CCDC73: variants seen among roughly 807,000 people sequenced by gnomAD.
CCDC73 encodes coiled-coil domain-containing protein 73.
Under a neutral mutation model 116.5 loss-of-function variants are expected in CCDC73, and 95 were observed. That is an observed-to-expected ratio of 0.82 (90% CI 0.69 to 0.97). CCDC73 has a LOEUF of 0.97. Among genes scored for constraint, CCDC73 ranks in the 50% least tolerant of loss-of-function variants. The pLI is 0.00. For synonymous variants in CCDC73, 398 were observed against 401.3 expected (o/e 0.99, Z 0.10); for missense variants, 1,066 against 1,206.8 (o/e 0.88, Z 1.73).
At chr11:32,772,775 A>G (rs186752141) in intron 1 of CCDC73, among the ~76,000 whole-genome samples, 28 of 152,374 alleles carry the variant, frequency 1.8e-4, no homozygotes, top group Admixed American at 7.8e-4. Context: ...AAATAGAATG[A>G]CACACTATAA....
At position 32,714,911 on chromosome 11, in the gene CCDC73, T is replaced by C. The variant is rs763166964; in HGVS notation, c.207+3165A>G. Among the ~76,000 whole-genome samples the C allele has an allele frequency of 8.2e-4, 125 of 152,164 alleles. 1 individual carries two copies. The highest frequency in any genetic ancestry group is 9.2e-4 in the Admixed American group (14 of 15,274). ...GTGTCCATAACATTTTATAGGAACA[T>C]AGACACACTGATTCATGTAAGTACT... On this transcript the variant is annotated intron_variant, in intron 3 of 17. Coordinates refer to ENST00000335185, the MANE Select transcript of CCDC73 (RefSeq NM_001008391.4).
chr11:32,682,704 A>G (rs1856158789), intron 7 of CCDC73: 1 of 151,970 alleles, frequency 6.6e-6, no homozygotes, highest in African/African-American at 2.4e-5. Context: ...CCAAAAACAC[A>G]GAAAAAAAAA....
At chr11:32,612,574 C>CA in intron 16 of CCDC73, among the ~76,000 whole-genome samples, 1 of 151,530 alleles carries the variant, frequency 6.6e-6, no homozygotes, top group Non-Finnish European at 1.5e-5. Flanking sequence ...CCTGTCTCTA[C>CA]AAAAAATTTT....
Position 32,763,245 on chromosome 11 carries a change from A to G in CCDC73, c.-15-2987T>C, listed in dbSNP as rs1850408352. Among the ~76,000 whole-genome samples the G allele has an allele frequency of 2.0e-5, 3 of 152,302 alleles. No individual in the cohort carries two copies. In the South Asian group the frequency reaches 6.2e-4, roughly 32 times the overall value. On this transcript the variant is annotated intron_variant, in intron 1 of 17. Coordinates refer to ENST00000335185, the MANE Select transcript of CCDC73 (RefSeq NM_001008391.4). ...GTTCCTGTCTGACAGCTTTGAAGAG[A>G]GTAGTGGTTCTCCTAGCACAGAGTT...
the CCDC73 span, among the ~76,000 whole-genome samples, chr11:32,801,063 C>A: frequency 2.0e-5 from 3 of 152,136 alleles, no homozygotes; most frequent in African/African-American, 4.8e-5. Flanking sequence ...CTCATATAGG[C>A]AGCGAGATTG....
chr11:32,758,478 A>C (rs1019015669), intron 2 of CCDC73: 16 of 459,290 alleles, frequency 3.5e-5, no homozygotes, highest in Admixed American at 3.4e-4. Context: ...ATCTTGAAAA[A>C]ATGTGTCAGC....
chr11:32,808,152 T>G, the CCDC73 span, among the ~76,000 whole-genome samples: 23 of 149,676 alleles, frequency 1.5e-4, no homozygotes, highest in African/African-American at 5.4e-4. Flanking sequence ...TTAACCAAAT[T>G]AAAGAAAGGA....
intron 9 of CCDC73, among the ~76,000 whole-genome samples, chr11:32,668,080 A>G (rs1005462358): frequency 2.6e-5 from 4 of 152,194 alleles, no homozygotes; most frequent in Admixed American, 2.6e-4. Flanking sequence ...GCATGTAATA[A>G]TCCATGCAAC....
At chr11:32,664,040 A>G (rs1285516759) in intron 9 of CCDC73, among the ~76,000 whole-genome samples, 2 of 152,168 alleles carry the variant, frequency 1.3e-5, no homozygotes, top group African/African-American at 4.8e-5. Context: ...CCAGTTGATC[A>G]TGGTGGATAA....
the CCDC73 span, among the ~76,000 whole-genome samples, chr11:32,800,508 G>A: frequency 6.6e-6 from 1 of 152,014 alleles, no homozygotes; most frequent in East Asian, 1.9e-4. Context: ...AATAGAATAG[G>A]TTTTCTTTTG....
At chr11:32,667,511 A>G (rs1479850963) in intron 9 of CCDC73, among the ~76,000 whole-genome samples, 1 of 152,310 alleles carries the variant, frequency 6.6e-6, no homozygotes, top group Non-Finnish European at 1.5e-5. Context: ...GACCATTGGA[A>G]AAGCGCAGTA....
At chr11:32,618,904 G>C (rs1855498039) in intron 14 of CCDC73, among the ~76,000 whole-genome samples, 1 of 152,050 alleles carries the variant, frequency 6.6e-6, no homozygotes, top group Non-Finnish European at 1.5e-5. Flanking sequence ...TCTCTTTGTG[G>C]TGTTGATTTG....
intron 2 of CCDC73, among the ~76,000 whole-genome samples, chr11:32,744,276 T>C (rs1850214944): frequency 6.6e-6 from 1 of 152,230 alleles, no homozygotes; most frequent in Non-Finnish European, 1.5e-5. Context: ...TCATGGTAGA[T>C]AAGCTTTTTG....
At chr11:32,676,961 C>A (rs1352176) in intron 7 of CCDC73, among the ~76,000 whole-genome samples, 41,242 of 152,070 alleles carry the variant, frequency 0.27, 6,476 homozygotes, top group East Asian at 0.79. Flanking sequence ...ACCATACCTG[C>A]GATATGACTT....
chr11:32,782,568 G>C (rs1010036830), intron 1 of CCDC73, among the ~76,000 whole-genome samples: 3 of 152,110 alleles, frequency 2.0e-5, no homozygotes, highest in Non-Finnish European at 4.4e-5. Flanking sequence ...AAAACCAATA[G>C]ACTTTTAAGG....
At chr11:32,652,196 C>T (rs1162810990) in intron 12 of CCDC73, among the ~76,000 whole-genome samples, 8 of 151,734 alleles carry the variant, frequency 5.3e-5, no homozygotes, top group South Asian at 2.1e-4. Flanking sequence ...TCCAGCTACT[C>T]GGGAGGCTGA....
upstream of CCDC73, among the ~76,000 whole-genome samples, chr11:32,797,009 CAAAAAAAA>C (rs1163144111): frequency 8.0e-5 from 6 of 74,608 alleles, no homozygotes; most frequent in Non-Finnish European, 9.7e-5. Flanking sequence ...GAGACTGCCT[CAAAAAAAA>C]AAAAAAAAAA....
intron 12 of CCDC73, among the ~76,000 whole-genome samples, chr11:32,652,602 C>T (rs1170278389): frequency 2.0e-5 from 3 of 152,126 alleles, no homozygotes; most frequent in Non-Finnish European, 4.4e-5. Context: ...TTGAACCCTG[C>T]ACTCCCAAAT....
chr11:32,656,163 C>T (rs563752372), intron 9 of CCDC73, among the ~76,000 whole-genome samples: 4 of 151,964 alleles, frequency 2.6e-5, no homozygotes, highest in South Asian at 2.1e-4. Context: ...CTGCAAGCTC[C>T]GCCTCCTGGG....
Sources: allele counts gnomAD v4.1 joint callset (sites outside exome capture counted in the v4.1 genomes callset), GRCh38; gene constraint gnomAD v4.1.1; transcripts MANE v1.5; gene names NCBI Gene and HGNC (gene_info 2026-07-23, HGNC 2026-07-21).